The following FGF1 variants were observed in gnomAD, a reference collection of about 807,000 sequenced individuals.
FGF1 encodes the protein beta-endothelial cell growth factor.
A neutral mutation model predicts 13.4 loss-of-function variants in FGF1; 9 were observed. That is an observed-to-expected ratio of 0.67 (90% CI 0.40 to 1.17). The LOEUF (loss-of-function observed/expected upper bound fraction) is 1.17, where lower values mean the gene tolerates loss of function less well. FGF1 is among the 50% of genes most tolerant of loss of function. The pLI is 0.01. For synonymous variants in FGF1, 93 were observed against 79.0 expected (o/e 1.18, Z -0.94); for missense variants, 156 against 192.7 (o/e 0.81, Z 1.13).
chr5:142,646,058 G>A (rs1017216368), intron 1 of FGF1, among the ~76,000 whole-genome samples: 7 of 152,010 alleles, frequency 4.6e-5, no homozygotes, highest in African/African-American at 1.7e-4. Flanking sequence ...ACAGGCGCCT[G>A]CCACCACACC....
chr5:142,628,647 T>C (rs923023946), intron 1 of FGF1, among the ~76,000 whole-genome samples: 3 of 152,250 alleles, frequency 2.0e-5, no homozygotes, highest in Non-Finnish European at 1.5e-5. Context: ...CAACTCCTCA[T>C]GGTTTTTCTC....
At chr5:142,654,610 G>A (rs1394280865) in intron 1 of FGF1, among the ~76,000 whole-genome samples, 1 of 152,212 alleles carries the variant, frequency 6.6e-6, no homozygotes, top group African/African-American at 2.4e-5. Context: ...ATTGTGTTGC[G>A]ATTTGATACC....
chr5:142,654,201 G>A (rs537437336), intron 1 of FGF1, among the ~76,000 whole-genome samples: 1 of 152,290 alleles, frequency 6.6e-6, no homozygotes, highest in South Asian at 2.1e-4. Context: ...AATTTCCTGA[G>A]GGCAGCATCC....
chr5:142,632,405 A>G lies in FGF1; in HGVS notation c.-34-18244T>C, dbSNP rs74728777. 5.6e-4 allele frequency among the ~76,000 whole-genome samples: 86 copies of G among 152,344 alleles called. 2 individuals carry two copies. The East Asian group carries it at 0.013, about 23-fold the overall frequency. ...CTCAGTACCACTCAGAATTTCTCTT[A>G]TCAACAGGGGCACATGTACCATACT... On this transcript the variant is annotated intron_variant, in intron 1 of 3. Coordinates refer to ENST00000337706, the MANE Select transcript of FGF1 (RefSeq NM_000800.5).
intron 2 of FGF1, among the ~76,000 whole-genome samples, chr5:142,608,559 TATATATATATATATATATATATATACAC>T (rs1290647791): frequency 3.5e-4 from 28 of 80,852 alleles, no homozygotes; most frequent in African/African-American, 1.6e-3. Context: ...TATATATATA[TATATATATATATATATATATATATACAC>T]ACACACACAC....
At chr5:142,618,922 T>TTG (rs1561571296) in intron 1 of FGF1, among the ~76,000 whole-genome samples, 1 of 97,736 alleles carries the variant, frequency 1.0e-5, no homozygotes, top group Non-Finnish European at 2.1e-5. Context: ...TATTTTTTAG[T>TTG]TGTTTTGTTT....
intron 1 of FGF1, among the ~76,000 whole-genome samples, chr5:142,632,063 G>A (rs982040598): frequency 2.6e-5 from 4 of 152,196 alleles, no homozygotes; most frequent in Admixed American, 6.5e-5. Context: ...TTACAAGCAC[G>A]AGCCACCACG....
chr5:142,683,471 G>T (rs1292909402), intron 1 of FGF1, among the ~76,000 whole-genome samples: 1 of 152,164 alleles, frequency 6.6e-6, no homozygotes, highest in Non-Finnish European at 1.5e-5. Context: ...CCGATATTTT[G>T]AGAACAAATG....
intron 2 of FGF1, among the ~76,000 whole-genome samples, chr5:142,613,439 G>C (rs145728995): frequency 6.6e-6 from 1 of 152,250 alleles, no homozygotes; most frequent in Admixed American, 6.5e-5. Context: ...CCACATCTGC[G>C]TGATACGCAG....
At chr5:142,598,401 T>G in intron 3 of FGF1, among the ~76,000 whole-genome samples, 1 of 152,246 alleles carries the variant, frequency 6.6e-6, no homozygotes, top group East Asian at 1.9e-4. Context: ...GACATGTGGC[T>G]TAACTATTGA....
intron 1 of FGF1, among the ~76,000 whole-genome samples, chr5:142,661,828 C>T (rs1769287491): frequency 6.6e-6 from 1 of 152,008 alleles, no homozygotes; most frequent in Non-Finnish European, 1.5e-5. Flanking sequence ...ACGATGAAAC[C>T]CCGTCTCTAC....
chr5:142,697,562 A>G (rs1465953241), intron 2 of FGF1: 1 of 152,332 alleles, frequency 6.6e-6, no homozygotes, highest in Non-Finnish European at 1.5e-5. Flanking sequence ...TGAGCACAAC[A>G]TGAAGCCAAG....
chr5:142,600,598 C>G (rs1756303627), intron 3 of FGF1, 104 bp downstream of exon 3: 1 of 795,128 alleles, frequency 1.3e-6, no homozygotes, highest in Non-Finnish European at 2.2e-6. Flanking sequence ...AAATAACAAA[C>G]AGAGACTAAT....
intron 2 of FGF1, among the ~76,000 whole-genome samples, chr5:142,608,829 A>G (rs1758414858): frequency 6.7e-6 from 1 of 150,346 alleles, no homozygotes; most frequent in South Asian, 2.1e-4. Flanking sequence ...TTTAAAGTTT[A>G]TGTATAAAAA....
intron 2 of FGF1, among the ~76,000 whole-genome samples, chr5:142,691,426 A>C (rs199610447): frequency 1.1e-4 from 1 of 8,878 alleles, no homozygotes; most frequent in Non-Finnish European, 5.4e-4. Flanking sequence ...TGTCTCAAAT[A>C]AAATAAAATA....
intron 1 of FGF1, among the ~76,000 whole-genome samples, chr5:142,661,814 T>C (rs1365510796): frequency 1.3e-5 from 2 of 152,178 alleles, no homozygotes; most frequent in South Asian, 4.2e-4. Flanking sequence ...CCATCCTGGC[T>C]AACACGATGA....
intron 1 of FGF1, among the ~76,000 whole-genome samples, chr5:142,677,216 A>T (rs1772787090): frequency 6.6e-6 from 1 of 152,170 alleles, no homozygotes. Context: ...CCTTAAAGGT[A>T]TTGGTTCAGC....
chr5:142,658,272 T>G (rs1768530700), intron 1 of FGF1, among the ~76,000 whole-genome samples: 1 of 152,250 alleles, frequency 6.6e-6, no homozygotes, highest in African/African-American at 2.4e-5. Flanking sequence ...CAGCAAATTC[T>G]CAAGCCTTAT....
chr5:142,636,279 CG>C (rs1764239147), intron 1 of FGF1, among the ~76,000 whole-genome samples: 1 of 152,182 alleles, frequency 6.6e-6, no homozygotes, highest in Non-Finnish European at 1.5e-5. Flanking sequence ...AGCCAGAAAC[CG>C]GATCTCAAAA....
Sources: gnomAD v4.1 joint callset for allele counts (sites outside exome capture counted in the v4.1 genomes callset) on GRCh38, gnomAD v4.1.1 for gene constraint, MANE v1.5 for transcripts, NCBI Gene and HGNC (gene_info 2026-07-23, HGNC 2026-07-21) for gene names.